The following HIF1AN variants were observed in gnomAD, a reference collection of about 807,000 sequenced individuals.
HIF1AN encodes the protein hypoxia-inducible factor 1-alpha inhibitor.
HIF1AN carries 21 observed loss-of-function variants against 47.7 expected under a neutral mutation model. The ratio of observed to expected loss-of-function variants is 0.44; its 90% CI spans 0.31 to 0.63. HIF1AN has a LOEUF of 0.63. HIF1AN is among the 30% of genes least tolerant of loss of function. The pLI is 0.07. For synonymous variants in HIF1AN, 152 were observed against 155.9 expected (o/e 0.98, Z 0.18); for missense variants, 320 against 432.7 (o/e 0.74, Z 2.31).
intron 2 of HIF1AN, among the ~76,000 whole-genome samples, chr10:100,540,380 T>C (rs962356594): frequency 1.3e-5 from 2 of 152,074 alleles, no homozygotes; most frequent in Non-Finnish European, 2.9e-5. Flanking sequence ...GGACAACATA[T>C]TGAGACCTTG....
intron 6 of HIF1AN, 94 bp downstream of exon 6, chr10:100,546,675 A>T: frequency 1.1e-6 from 1 of 928,072 alleles, no homozygotes; most frequent in Non-Finnish European, 1.8e-6. Flanking sequence ...ATGGTTGACT[A>T]TCCCTGGAAG....
chr10:100,539,692 T>C (rs946223536), intron 2 of HIF1AN, among the ~76,000 whole-genome samples: 2 of 152,198 alleles, frequency 1.3e-5, no homozygotes, highest in Non-Finnish European at 2.9e-5. Flanking sequence ...TAAATTACAG[T>C]TGGAAACAAC....
rs535463035 is a variant in HIF1AN at position 100,559,897 on chromosome 10, G to C, written c.*11760G>C. On this transcript the variant is annotated 3_prime_UTR_variant, in exon 8 of 8. Transcript: ENST00000299163. ...TAGCAGCCGTTAAAAGATGGCCACCGCTAGTCCAGTCGGCCACAGACATGG... is the reference window on the plus strand; with the variant it reads ...TAGCAGCCGTTAAAAGATGGCCACCCCTAGTCCAGTCGGCCACAGACATGG... 3 of 152,268 alleles carry C rather than the reference G, an allele frequency of 2.0e-5. No homozygotes were observed. Among genetic ancestry groups the C allele is most frequent in the Non-Finnish European group, 4.4e-5 (3 of 68,022 alleles). The allele number at this position is 152,268 out of a possible 1,614,324, so 9.4% of individuals were successfully genotyped here. A position where few individuals can be genotyped will look rare whatever the true frequency, so the allele number is the denominator to read the frequency against.
At position 100,548,386 on chromosome 10, in the gene HIF1AN, C is replaced by G; in HGVS notation, c.*249C>G. The G allele has an allele frequency of 2.1e-6, 1 of 466,192 alleles. No homozygotes were observed. The highest frequency in any genetic ancestry group is 3.8e-6 in the Non-Finnish European group (1 of 263,648). The allele number at this position is 466,192 out of a possible 1,614,324, so 28.9% of individuals were successfully genotyped here. On this transcript the variant is annotated 3_prime_UTR_variant, in exon 8 of 8. Transcript: ENST00000299163. Reference sequence around the variant, plus strand: ...CTCTCTCTGCCCCCCGCCTAAAGTCCTGCATTCAGTGTGTGGAGTCCCAGC... The same window carrying G: ...CTCTCTCTGCCCCCCGCCTAAAGTCGTGCATTCAGTGTGTGGAGTCCCAGC...
intron 3 of HIF1AN, among the ~76,000 whole-genome samples, chr10:100,541,699 A>G (rs555615565): frequency 1.3e-3 from 204 of 152,280 alleles, no homozygotes; most frequent in African/African-American, 4.5e-3. Context: ...CGTGTATTCT[A>G]AAAAGTTCCC....
intron 2 of HIF1AN, 70 bp from the exon 3 acceptor site, chr10:100,540,564 A>G: frequency 6.4e-7 from 1 of 1,552,992 alleles, no homozygotes; most frequent in Non-Finnish European, 8.7e-7. Context: ...TTGGATTTTC[A>G]GATGTGGAGA....
chr10:100,545,187 C>G, intron 4 of HIF1AN, 91 bp downstream of exon 4: 1 of 1,387,384 alleles, frequency 7.2e-7, no homozygotes, highest in Non-Finnish European at 9.9e-7. Context: ...TAGTGATATG[C>G]CAGGTTCGGA....
chr10:100,545,889 T>A, intron 4 of HIF1AN, 54 bp from the exon 5 acceptor site: 1 of 1,205,372 alleles, frequency 8.3e-7, no homozygotes, highest in South Asian at 1.2e-5. Context: ...ATAGTAGTTT[T>A]ACTGGTGAAG....
intron 6 of HIF1AN, 40 bp downstream of exon 6, chr10:100,546,621 CTGGCTCT>C: frequency 1.3e-6 from 2 of 1,495,090 alleles, no homozygotes; most frequent in Non-Finnish European, 1.9e-6. Flanking sequence ...CCAGATGGAA[CTGGCTCT>C]TGGGTGAGGT....
chr10:100,536,654 G>A lies in HIF1AN; in HGVS notation c.421G>A (p.Glu141Lys), dbSNP rs1367806331. Residue 141 changes from glutamate (E) to lysine (K), a missense_variant, in exon 2 of 8, where the codon GAA becomes AAA. Glu to Lys is a moderately conservative substitution (Grantham distance 56). This residue lies in a region of HIF1AN where 161 missense variants were observed against 272.8 expected (regional missense o/e 0.59). Transcript: ENST00000299163. ...GCAGGATATACAGCAGCGAGGAGGG[G>A]AAGAGAGGTAAATTCCGAAAGCTTA... ...KLQDIQQRGG[E>K]ERLYLQQTLN... The A allele has an allele frequency of 6.2e-7, 1 of 1,613,954 alleles. No homozygotes were observed. The highest frequency in any genetic ancestry group is 1.3e-5 in the African/African-American group (1 of 75,002).
intron 1 of HIF1AN, 85 bp from the exon 2 acceptor site, chr10:100,536,326 A>G: frequency 6.7e-7 from 1 of 1,492,678 alleles, no homozygotes; most frequent in East Asian, 2.3e-5. Context: ...TCTGAAGTTG[A>G]GAAGTAGTTG....
chr10:100,547,368 G>A, intron 7 of HIF1AN, 118 bp downstream of exon 7: 1 of 649,966 alleles, frequency 1.5e-6, no homozygotes, highest in Non-Finnish European at 2.7e-6. Flanking sequence ...CTCCATAGAG[G>A]TTATGGGTAT....
At chr10:100,543,773 C>T (rs193264056) in intron 3 of HIF1AN, among the ~76,000 whole-genome samples, 61 of 152,230 alleles carry the variant, frequency 4.0e-4, no homozygotes, top group African/African-American at 1.4e-3. Context: ...GGAGTTTCAC[C>T]GTGTTAGCCA....
At position 100,549,041 on chromosome 10, in the gene HIF1AN, TGG is replaced by T. The variant is rs375549090; in HGVS notation, c.*906_*907del. On this transcript the variant is annotated 3_prime_UTR_variant, in exon 8 of 8. Transcript: ENST00000299163. ...TATCCACACTAGGGGTGCAAGCCTC[TGG>T]GTGTGTGTGTGTGTGTGCGTGCGTG... is the stretch of plus-strand genomic sequence containing the variant. 18,845 of 141,926 alleles carry T rather than the reference TGG, an allele frequency of 0.13. 1,234 individuals are homozygous for T. The highest frequency in any genetic ancestry group is 0.14 in the Non-Finnish European group (9,720 of 67,754). The allele number at this position is 141,926 out of a possible 1,614,324, so 8.8% of individuals were successfully genotyped here.
At chr10:100,536,828 T>C (rs74693078) in intron 2 of HIF1AN, among the ~76,000 whole-genome samples, 167 bp downstream of exon 2, 5 of 152,064 alleles carry the variant, frequency 3.3e-5, no homozygotes, top group Non-Finnish European at 7.4e-5. Context: ...GGGGTTTGAG[T>C]TCTTAGTGGT....
At position 100,557,671 on chromosome 10, in the gene HIF1AN, C is replaced by G. The variant is rs377514243; in HGVS notation, c.*9534C>G. The G allele has an allele frequency of 2.6e-5, 4 of 152,036 alleles. No homozygotes were observed. The highest frequency in any genetic ancestry group is 2.0e-4 in the Admixed American group (3 of 15,244). 9.4% of individuals were successfully genotyped at this position (152,036 alleles called of 1,614,324 possible). A position where few individuals can be genotyped will look rare whatever the true frequency, so the allele number is the denominator to read the frequency against. On this transcript the variant is annotated 3_prime_UTR_variant, in exon 8 of 8. Coordinates refer to ENST00000299163, the MANE Select transcript of HIF1AN (RefSeq NM_017902.3). Reference sequence around the variant, plus strand: ...GTTGGTCAGGCTGGTCTCGAACTCCCGACCTCAGGTGATCTGCCTGCCTTG... The same window carrying G: ...GTTGGTCAGGCTGGTCTCGAACTCCGGACCTCAGGTGATCTGCCTGCCTTG...
chr10:100,546,761 A>T (rs907454819), intron 6 of HIF1AN, among the ~76,000 whole-genome samples, 180 bp downstream of exon 6: 1 of 151,870 alleles, frequency 6.6e-6, no homozygotes, highest in Non-Finnish European at 1.5e-5. Flanking sequence ...ATTTTTTGAG[A>T]CAGAGTCTTG....
At chr10:100,547,660 G>C (rs1589753847) in intron 7 of HIF1AN, among the ~76,000 whole-genome samples, 1 of 152,196 alleles carries the variant, frequency 6.6e-6, no homozygotes, top group East Asian at 1.9e-4. Flanking sequence ...TAGGGTTCTT[G>C]CTTGCCTCTT....
chr10:100,536,181 G>C (rs751226187), intron 1 of HIF1AN, 46 bp downstream of exon 1: 1 of 1,534,966 alleles, frequency 6.5e-7, no homozygotes, highest in Non-Finnish European at 8.8e-7. Flanking sequence ...AAGGTACCCG[G>C]TTGAGAGGTC....
Sources: gnomAD v4.1 joint callset for allele counts (sites outside exome capture counted in the v4.1 genomes callset) on GRCh38, gnomAD v4.1.1 for gene constraint, gnomAD v4.1.1 regional missense constraint, MANE v1.5 for transcripts, NCBI Gene and HGNC (gene_info 2026-07-23, HGNC 2026-07-21) for gene names.